The following MICOS10 variants were observed in gnomAD, a reference collection of about 807,000 sequenced individuals.
MICOS10 encodes mitochondrial contact site and cristae organizing system subunit 10.
In MICOS10, 5 loss-of-function variants were observed where a neutral mutation model predicts 13.4. The ratio of observed to expected loss-of-function variants is 0.37; its 90% CI spans 0.20 to 0.78. The LOEUF is 0.78. Among genes scored for constraint, MICOS10 ranks in the 30% least tolerant of loss-of-function variants. The pLI is 0.47. For synonymous variants in MICOS10, 35 were observed against 33.6 expected, an observed-to-expected ratio of 1.04 and a Z score of -0.15; for missense variants, 101 against 94.6, an observed-to-expected ratio of 1.07 and a Z score of -0.28.
At chr1:19,617,423 G>T in intron 1 of MICOS10, 2 of 495,640 alleles carry the variant, frequency 4.0e-6, no homozygotes, top group Non-Finnish European at 5.2e-6. Flanking sequence ...GATTAATACA[G>T]ACTAAATTCA....
intron 1 of MICOS10, among the ~76,000 whole-genome samples, chr1:19,606,951 TC>T (rs1198537566): frequency 1.3e-5 from 2 of 152,272 alleles, no homozygotes; most frequent in African/African-American, 4.8e-5. Context: ...TTATTGTTTT[TC>T]TTTAAGTATC....
intron 1 of MICOS10, among the ~76,000 whole-genome samples, chr1:19,606,891 A>G (rs534611136): frequency 6.6e-6 from 1 of 152,378 alleles, no homozygotes; most frequent in Non-Finnish European, 1.5e-5. Flanking sequence ...TTTAATGTTT[A>G]AAAAAATACT....
chr1:19,608,573 G>C (rs1414545977), intron 1 of MICOS10: 3 of 842,384 alleles, frequency 3.6e-6, no homozygotes, highest in Non-Finnish European at 4.0e-6. Flanking sequence ...CTGTGAACAA[G>C]ATTCCTCAAA....
At chr1:19,616,698 C>A (rs1228765469) in intron 1 of MICOS10, among the ~76,000 whole-genome samples, 1 of 152,206 alleles carries the variant, frequency 6.6e-6, no homozygotes, top group African/African-American at 2.4e-5. Context: ...GCTCTGCTGA[C>A]CTCTCCATGA....
At chr1:19,621,389 C>T (rs1462783954) in intron 1 of MICOS10, among the ~76,000 whole-genome samples, 1 of 152,124 alleles carries the variant, frequency 6.6e-6, no homozygotes, top group African/African-American at 2.4e-5. Context: ...ATTTCACTGG[C>T]AGTAGAAATC....
At chr1:19,599,296 A>G (rs1373640620) in intron 1 of MICOS10, among the ~76,000 whole-genome samples, 3 of 152,018 alleles carry the variant, frequency 2.0e-5, no homozygotes, top group East Asian at 1.9e-4. Flanking sequence ...GGCTTAAGTG[A>G]TCCATCATCC....
At chr1:19,608,286 G>A in intron 1 of MICOS10, 1 of 1,344,608 alleles carries the variant, frequency 7.4e-7, no homozygotes, top group Non-Finnish European at 1.1e-6. Context: ...CGTGTGACTG[G>A]TGGGATGAAG....
At chr1:19,625,753 AT>A (rs924576816) in intron 3 of MICOS10, 42 of 1,060,610 alleles carry the variant, frequency 4.0e-5, no homozygotes, top group Non-Finnish European at 4.9e-5. Context: ...ATATTGTTCC[AT>A]TTTTTACATT....
chr1:19,617,353 T>G, intron 1 of MICOS10: 1 of 955,808 alleles, frequency 1.0e-6, no homozygotes, highest in South Asian at 4.8e-5. Context: ...TCTTGTAAAA[T>G]AGCCACCTTC....
At chr1:19,597,659 A>T (rs1175063866) in intron 1 of MICOS10, among the ~76,000 whole-genome samples, 1 of 152,162 alleles carries the variant, frequency 6.6e-6, no homozygotes, top group African/African-American at 2.4e-5. Flanking sequence ...GATGATCTGG[A>T]ATGAGAATTG....
intron 1 of MICOS10, among the ~76,000 whole-genome samples, chr1:19,609,456 CATATG>C (rs1172198297): frequency 1.3e-5 from 2 of 152,196 alleles, no homozygotes; most frequent in Non-Finnish European, 2.9e-5. Flanking sequence ...TAAAGTTAAA[CATATG>C]ATATAGCCAT....
chr1:19,617,809 T>A (rs2094889643), intron 1 of MICOS10, among the ~76,000 whole-genome samples: 1 of 152,140 alleles, frequency 6.6e-6, no homozygotes, highest in South Asian at 2.1e-4. Context: ...CAAATACAGC[T>A]TTATTAGACA....
chr1:19,609,264 G>C (rs899171859), intron 1 of MICOS10, among the ~76,000 whole-genome samples: 2 of 152,054 alleles, frequency 1.3e-5, no homozygotes, highest in Middle Eastern at 3.2e-3. Flanking sequence ...ATCAGTGGCT[G>C]TTAGGGAAAA....
intron 1 of MICOS10, 24 bp downstream of exon 1, chr1:19,597,133 G>C (rs2094794753): frequency 6.3e-7 from 1 of 1,597,742 alleles, no homozygotes; most frequent in African/African-American, 1.4e-5. Context: ...CGCCCCAGCA[G>C]GCCCGGCCGG....
chr1:19,612,586 G>A (rs914860655), intron 1 of MICOS10, among the ~76,000 whole-genome samples: 1 of 151,990 alleles, frequency 6.6e-6, no homozygotes, highest in African/African-American at 2.4e-5. Flanking sequence ...AACTGGGTGT[G>A]GGGGTATGTG....
chr1:19,624,745 G>A (rs564344465), intron 3 of MICOS10, among the ~76,000 whole-genome samples: 2 of 152,300 alleles, frequency 1.3e-5, no homozygotes, highest in Admixed American at 6.5e-5. Context: ...GAACATTGGA[G>A]GCTGGGTGCC....
chr1:19,604,148 T>C (rs984111987), intron 1 of MICOS10, among the ~76,000 whole-genome samples: 15 of 152,328 alleles, frequency 9.8e-5, no homozygotes, highest in Admixed American at 8.5e-4. Flanking sequence ...AGAGGGTAGT[T>C]GCAAGTGAGG....
In MICOS10 at chr1:19,625,561, C is replaced by T. The variant is rs548229035; in HGVS notation, c.223-826C>T. On this transcript the variant is annotated intron_variant, in intron 3 of 3. Transcript: ENST00000322753. ...GGCAGCCGGCCTTTTCCACCACTCC[C>T]TGGCTCCTCGCTTTCCTGGCATCAG... 4.3e-5 allele frequency: 56 copies of T among 1,289,452 alleles called. No individual in the cohort carries two copies. The South Asian group carries it at 6.4e-4, about 15-fold the overall frequency. 79.9% of individuals were successfully genotyped at this position (1,289,452 alleles called of 1,614,324 possible).
At chr1:19,614,701 T>TA (rs1238840532) in intron 1 of MICOS10, 1 of 152,222 alleles carries the variant, frequency 6.6e-6, no homozygotes, top group Non-Finnish European at 1.5e-5. Context: ...CTACACACCT[T>TA]AGAAGAGTCT....
Sources: gnomAD v4.1 joint callset for allele counts (sites outside exome capture counted in the v4.1 genomes callset) on GRCh38, gnomAD v4.1.1 for gene constraint, MANE v1.5 for transcripts, NCBI Gene and HGNC (gene_info 2026-07-23, HGNC 2026-07-21) for gene names.